The following ARID3A variants were observed in gnomAD, a reference collection of about 807,000 sequenced individuals.
The protein encoded by ARID3A is AT-rich interactive domain-containing protein 3A.
In ARID3A, 11 loss-of-function variants were observed where a neutral mutation model predicts 52.7. The observed-to-expected ratio is 0.21, with a 90% CI of 0.13 to 0.35. ARID3A has a LOEUF of 0.35. Ranked by LOEUF, ARID3A falls within the 10% of genes least tolerant of loss-of-function variation. The pLI is 1.00. For synonymous variants in ARID3A, 404 were observed against 359.4 expected (o/e 1.12, Z -1.40); for missense variants, 721 against 838.5 (o/e 0.86, Z 1.73).
Position 941,118 on chromosome 19 carries a change from G to T in ARID3A, c.693+8376G>T, listed in dbSNP as rs964139584. Among the ~76,000 whole-genome samples, 1 of 152,162 alleles carries T rather than the reference G, an allele frequency of 6.6e-6. No individual in the cohort carries two copies. The highest frequency in any genetic ancestry group is 1.5e-5 in the Non-Finnish European group (1 of 68,006). Reference sequence around the variant, plus strand: ...CCCACCCTGGTGGCTGCTGCCAAGCGCCGGCCCCGCCCCATGCTTTCTAAT... The same window carrying T: ...CCCACCCTGGTGGCTGCTGCCAAGCTCCGGCCCCGCCCCATGCTTTCTAAT... On this transcript the variant is annotated intron_variant, in intron 3 of 8. Transcript: ENST00000263620. The surrounding 1 kb of genome is among the most constrained non-coding windows in gnomAD (Gnocchi z 6.9).
At chr19:969,694 T>C (rs535991536) in intron 8 of ARID3A, among the ~76,000 whole-genome samples, 17 of 150,962 alleles carry the variant, frequency 1.1e-4, no homozygotes, top group Admixed American at 5.3e-4. Context: ...TAGTTGTTTT[T>C]TTTTTCTTTT....
chr19:948,779 A>G (rs35587333), intron 3 of ARID3A, among the ~76,000 whole-genome samples: 38,141 of 142,634 alleles, frequency 0.27, 5,963 homozygotes, highest in East Asian at 0.5. Context: ...GCACGATCTC[A>G]GCTCACTGCA....
Position 968,789 on chromosome 19 carries a change from C to T in ARID3A, c.1594+286C>T, listed in dbSNP as rs545129848. On this transcript the variant is annotated intron_variant, in intron 8 of 8. Transcript: ENST00000263620. The stretch of plus-strand genomic sequence containing the variant: ...TGTTTTAATGAGACGGAGTCTTGCA[C>T]AGACATGCACCAGCACACCTGGTTA... The T allele has an allele frequency of 7.8e-5, 22 of 280,918 alleles. No homozygotes were observed. In the South Asian group the frequency reaches 1.6e-3, roughly 20 times the overall value. 17.4% of individuals were successfully genotyped at this position (280,918 alleles called of 1,614,324 possible). A position where few individuals can be genotyped will look rare whatever the true frequency, so the allele number is the denominator to read the frequency against.
At position 972,020 on chromosome 19, in the gene ARID3A, G is replaced by A. The variant is rs1370205272; in HGVS notation, c.1737G>A (p.Gly579=). The change falls in exon 9 of 9, where the codon GGG becomes GGA. Residue 579 remains glycine (G), a synonymous_variant. Coordinates refer to ENST00000263620, the MANE Select transcript of ARID3A (RefSeq NM_005224.3). ...GCGGCGGCCAGGCTGGGCCAGCGGG[G>A]CTGTCCACACCCTCCACATCTACCT... The part of the protein sequence containing the change: ...GTSGGQAGPA[G]LSTPSTSTSN... 1.3e-6 allele frequency: 2 copies of A among 1,596,588 alleles called. No individual in the cohort carries two copies. Among genetic ancestry groups the A allele is most frequent in the South Asian group, 2.2e-5 (2 of 89,982 alleles).
At chr19:936,011 C>T (rs566150508) in intron 3 of ARID3A, among the ~76,000 whole-genome samples, 5 of 149,346 alleles carry the variant, frequency 3.3e-5, no homozygotes, top group East Asian at 4.1e-4. Context: ...AGGATGGTCT[C>T]GATCTCCTGA....
chr19:935,962 T>C (rs916222152), intron 3 of ARID3A, among the ~76,000 whole-genome samples: 16 of 151,348 alleles, frequency 1.1e-4, no homozygotes, highest in African/African-American at 3.9e-4. Flanking sequence ...GGCTAATTTT[T>C]TGTATTTTTA....
Position 966,758 on chromosome 19 carries a change from A to T in ARID3A, c.1385A>T (p.Lys462Met). ...GAGTCTGCAGAGCCTCCGGAGAAGA[A>T]GATGGCCCTGGTGGCCGATGAGCAG... ...KLESAEPPEK[K>M]MALVADEQQR... The change falls in exon 7 of 9, where the codon AAG becomes ATG. Residue 462 changes from lysine (K) to methionine (M), a missense_variant. By Grantham distance (95) the Lys-to-Met change is moderately conservative. This residue lies in a region of ARID3A where 297 missense variants were observed against 343.2 expected (regional missense o/e 0.87). Coordinates refer to ENST00000263620, the MANE Select transcript of ARID3A (RefSeq NM_005224.3). 6.2e-7 allele frequency: 1 copy of T among 1,613,412 alleles called. No individual in the cohort carries two copies. Among genetic ancestry groups the T allele is most frequent in the Non-Finnish European group, 8.5e-7 (1 of 1,179,960 alleles).
chr19:933,503 TG>T (rs755567076), intron 3 of ARID3A, among the ~76,000 whole-genome samples: 1 of 152,088 alleles, frequency 6.6e-6, no homozygotes, highest in Non-Finnish European at 1.5e-5. Context: ...TGGGCGCGGC[TG>T]GGGGGAGCCA....
chr19:954,937 G>T (rs1389252208), intron 3 of ARID3A, among the ~76,000 whole-genome samples: 1 of 152,174 alleles, frequency 6.6e-6, no homozygotes, highest in Non-Finnish European at 1.5e-5. Context: ...GGGAGTGCGG[G>T]CCGCTTATCT....
At chr19:927,952 TG>T (rs1347990104) in intron 1 of ARID3A, among the ~76,000 whole-genome samples, 1 of 151,928 alleles carries the variant, frequency 6.6e-6, no homozygotes, top group Admixed American at 6.6e-5. Flanking sequence ...GGGTAAAGGG[TG>T]TCTAGGGCAG....
intron 3 of ARID3A, among the ~76,000 whole-genome samples, chr19:955,293 A>T (rs1401657804): frequency 6.6e-6 from 1 of 152,124 alleles, no homozygotes; most frequent in East Asian, 1.9e-4. Flanking sequence ...GGGGCCAGAG[A>T]CCCATAAAGC....
intron 3 of ARID3A, among the ~76,000 whole-genome samples, chr19:939,083 A>G (rs1221228235): frequency 6.6e-6 from 1 of 150,740 alleles, no homozygotes; most frequent in Non-Finnish European, 1.5e-5. Context: ...GGCGCGTGCC[A>G]CCACACCTGG....
rs5826711 is a variant in ARID3A at position 938,930 on chromosome 19, CTTTTTTT to C, written c.693+6200_693+6206del. ...CACATAGATACATTATTTTATCTCT[CTTTTTTT>C]TTTTTTTTTTTGAGACGGAGTCTTG... is the stretch of plus-strand genomic sequence containing the variant. On this transcript the variant is annotated intron_variant, in intron 3 of 8. Coordinates refer to ENST00000263620, the MANE Select transcript of ARID3A (RefSeq NM_005224.3). This position sits in a 1 kb window ranked among gnomAD's most constrained non-coding sequence, Gnocchi z 4.0. Among the ~76,000 whole-genome samples, 79 of 128,194 alleles carry C rather than the reference CTTTTTTT, an allele frequency of 6.2e-4. No homozygotes were observed. The highest frequency in any genetic ancestry group is 7.7e-4 in the Non-Finnish European group (48 of 61,944). The allele number at this position is 128,194 out of a possible 152,430, so 84.1% of individuals were successfully genotyped here.
chr19:927,052 C>G (rs1372266295), intron 1 of ARID3A, among the ~76,000 whole-genome samples: 1 of 152,274 alleles, frequency 6.6e-6, no homozygotes, highest in African/African-American at 2.4e-5. Flanking sequence ...GCCCCTCCCC[C>G]TCCTCTTCCC....
chr19:959,661 G>A lies in ARID3A; in HGVS notation c.694-431G>A, dbSNP rs1399470960. ...CAACGTGTGGCTGTAAGGGAGTTAA[G>A]GATCGATTTGAGATGAGGTGGCCCT... On this transcript the variant is annotated intron_variant, in intron 3 of 8. Coordinates refer to ENST00000263620, the MANE Select transcript of ARID3A (RefSeq NM_005224.3). The surrounding 1 kb of genome is among the most constrained non-coding windows in gnomAD (Gnocchi z 5.0). 1.3e-5 allele frequency among the ~76,000 whole-genome samples: 2 copies of A among 152,148 alleles called. No homozygotes were observed. Among genetic ancestry groups the A allele is most frequent in the Admixed American group, 1.3e-4 (2 of 15,274 alleles).
In ARID3A at chr19:974,321, T is replaced by C; in HGVS notation, c.*2256T>C. ...GGGTGGTGGGCGTCTAGGTTTTCCT[T>C]GTCCCTTCCTGGGGCCAGCACCGTA... On this transcript the variant is annotated 3_prime_UTR_variant, in exon 9 of 9. Transcript: ENST00000263620. The C allele has an allele frequency of 4.4e-6, 1 of 227,580 alleles. No individual in the cohort carries two copies. Among genetic ancestry groups the C allele is most frequent in the Non-Finnish European group, 8.7e-6 (1 of 114,492 alleles). 14.1% of individuals were successfully genotyped at this position (227,580 alleles called of 1,614,324 possible).
Position 947,005 on chromosome 19 carries a change from G to A in ARID3A, c.694-13087G>A, listed in dbSNP as rs1310592007. On this transcript the variant is annotated intron_variant, in intron 3 of 8. Coordinates refer to ENST00000263620, the MANE Select transcript of ARID3A (RefSeq NM_005224.3). The surrounding 1 kb of genome is among the most constrained non-coding windows in gnomAD (Gnocchi z 6.3). ...AAACAGGGTTTTGTCATATTGCCCA[G>A]GCGGGTCTCAAACTCCTGGGCTCGA... Among the ~76,000 whole-genome samples the A allele has an allele frequency of 6.6e-6, 1 of 150,808 alleles. No individual in the cohort carries two copies. The highest frequency in any genetic ancestry group is 6.6e-5 in the Admixed American group (1 of 15,122).
chr19:943,612 G>C (rs1161316210), intron 3 of ARID3A, among the ~76,000 whole-genome samples: 1 of 152,088 alleles, frequency 6.6e-6, no homozygotes, highest in Non-Finnish European at 1.5e-5. Flanking sequence ...ACACGGACAC[G>C]TAGGGAGATA....
At chr19:967,585 G>A (rs765642567) in intron 7 of ARID3A, among the ~76,000 whole-genome samples, 6 of 151,996 alleles carry the variant, frequency 3.9e-5, no homozygotes, top group Non-Finnish European at 7.4e-5. Flanking sequence ...AAAACAAAGT[G>A]GAGTATGGAC....
Sources: gnomAD v4.1 joint callset for allele counts (sites outside exome capture counted in the v4.1 genomes callset) on GRCh38, gnomAD v4.1.1 for gene constraint, gnomAD v4.1.1 regional missense constraint, Gnocchi (gnomAD v3.1) non-coding constraint, MANE v1.5 for transcripts, NCBI Gene and HGNC (gene_info 2026-07-23, HGNC 2026-07-21) for gene names.